DNM3: variants seen among roughly 807,000 people sequenced by gnomAD.
DNM3 encodes the protein dynamin-3.
Under a neutral mutation model 101.6 loss-of-function variants are expected in DNM3, and 47 were observed. The ratio of observed to expected loss-of-function variants is 0.46; its 90% confidence interval spans 0.37 to 0.59. The LOEUF is 0.59. Among genes scored for constraint, DNM3 ranks in the 20% least tolerant of loss-of-function variants. The pLI is 0.00. For synonymous variants in DNM3, 385 were observed against 387.9 expected, an observed-to-expected ratio of 0.99 and a Z score of 0.09; for missense variants, 849 against 1,085.7, an observed-to-expected ratio of 0.78 and a Z score of 3.06.
chr1:172,261,851 G>A (rs934866271), intron 15 of DNM3, among the ~76,000 whole-genome samples: 5 of 152,186 alleles, frequency 3.3e-5, no homozygotes, highest in Non-Finnish European at 7.4e-5. Flanking sequence ...GCCACAGGTG[G>A]TCAACTGGCC....
chr1:171,955,780 A>C (rs12122025), intron 2 of DNM3, among the ~76,000 whole-genome samples: 23,536 of 152,102 alleles, frequency 0.15, 2,359 homozygotes, highest in South Asian at 0.26. Flanking sequence ...GACATACCTG[A>C]GACTGGGCAA....
chr1:171,913,522 A>G (rs1482525792), intron 1 of DNM3, among the ~76,000 whole-genome samples: 1 of 152,220 alleles, frequency 6.6e-6, no homozygotes, highest in Non-Finnish European at 1.5e-5. Context: ...TCTAGCGATT[A>G]AAATTGCATT....
intron 13 of DNM3, among the ~76,000 whole-genome samples, chr1:172,102,517 A>G (rs975117403): frequency 2.6e-5 from 4 of 152,274 alleles, no homozygotes; most frequent in Admixed American, 6.5e-5. Flanking sequence ...CCATATTTTT[A>G]CAGCCAAGTT....
At chr1:171,949,190 T>C (rs2042349059) in intron 2 of DNM3, among the ~76,000 whole-genome samples, 1 of 152,178 alleles carries the variant, frequency 6.6e-6, no homozygotes, top group Non-Finnish European at 1.5e-5. Context: ...AAAAACATAT[T>C]ACTCCACCAA....
chr1:172,175,142 GC>G (rs1288529170), intron 14 of DNM3, among the ~76,000 whole-genome samples: 2 of 151,660 alleles, frequency 1.3e-5, no homozygotes, highest in African/African-American at 4.8e-5. Context: ...ACAAAATACT[GC>G]TGTTGTTCAC....
chr1:172,189,490 G>C (rs971033668), intron 14 of DNM3, among the ~76,000 whole-genome samples: 4 of 151,990 alleles, frequency 2.6e-5, no homozygotes, highest in African/African-American at 9.7e-5. Flanking sequence ...CATGAACATG[G>C]AATTTCCCAC....
At chr1:172,238,533 C>G (rs2148638870) in intron 14 of DNM3, among the ~76,000 whole-genome samples, 1 of 152,208 alleles carries the variant, frequency 6.6e-6, no homozygotes, top group South Asian at 2.1e-4. Context: ...ATGCATGAAA[C>G]AAAGCCTAGG....
At chr1:172,002,247 A>G (rs1432147967) in intron 4 of DNM3, among the ~76,000 whole-genome samples, 3 of 152,110 alleles carry the variant, frequency 2.0e-5, no homozygotes, top group Admixed American at 2.0e-4. Context: ...TGAAAAAATC[A>G]GATTAAAAAA....
At chr1:172,160,682 C>CAGGTAGA (rs1344657442) in intron 14 of DNM3, among the ~76,000 whole-genome samples, 2 of 151,964 alleles carry the variant, frequency 1.3e-5, no homozygotes, top group Admixed American at 1.3e-4. Context: ...GGACAAAAAA[C>CAGGTAGA]AGGTAGAAGG....
chr1:172,059,224 G>C (rs2050933632), intron 10 of DNM3, among the ~76,000 whole-genome samples: 1 of 143,784 alleles, frequency 7.0e-6, no homozygotes, highest in Admixed American at 7.0e-5. Flanking sequence ...ACCAAAAAGA[G>C]TCCAGGACCA....
intron 17 of DNM3, 67 bp from the exon 18 acceptor site, chr1:172,378,951 C>T (rs1035938394): frequency 2.3e-5 from 34 of 1,507,544 alleles, no homozygotes; most frequent in Middle Eastern, 1.8e-4. Flanking sequence ...AATCTGATAA[C>T]GACTGACATT....
chr1:172,287,805 GCACA>G (rs3078985), intron 15 of DNM3, among the ~76,000 whole-genome samples: 32,285 of 144,014 alleles, frequency 0.22, 3,486 homozygotes, highest in African/African-American at 0.25. Flanking sequence ...ATATACACAT[GCACA>G]CACACACACA....
chr1:172,386,591 T>G (rs1407398544), intron 18 of DNM3, among the ~76,000 whole-genome samples: 1 of 152,260 alleles, frequency 6.6e-6, no homozygotes, highest in African/African-American at 2.4e-5. Flanking sequence ...TAAGATTCTG[T>G]ATTTAATAAA....
chr1:172,317,128 C>T (rs1472255873), intron 16 of DNM3, among the ~76,000 whole-genome samples: 1 of 151,444 alleles, frequency 6.6e-6, no homozygotes, highest in Non-Finnish European at 1.5e-5. Flanking sequence ...CAACCTGCTC[C>T]TGAATGACTA....
At chr1:172,121,359 G>A (rs2056307998) in intron 13 of DNM3, among the ~76,000 whole-genome samples, 1 of 152,214 alleles carries the variant, frequency 6.6e-6, no homozygotes, top group South Asian at 2.1e-4. Flanking sequence ...TAATGCATAT[G>A]CAGGCATTTG....
chr1:171,974,526 A>C (rs1444649877), intron 2 of DNM3, among the ~76,000 whole-genome samples: 1 of 152,212 alleles, frequency 6.6e-6, no homozygotes, highest in African/African-American at 2.4e-5. Flanking sequence ...ATCATAGCTA[A>C]GTATTAATTT....
At chr1:172,223,272 C>CTTT (rs398049746) in intron 14 of DNM3, among the ~76,000 whole-genome samples, 2 of 135,590 alleles carry the variant, frequency 1.5e-5, no homozygotes, top group African/African-American at 5.4e-5. Flanking sequence ...TTTTTCTTTT[C>CTTT]TTTTTTTTTT....
At chr1:171,924,780 T>C (rs1291287876) in intron 2 of DNM3, among the ~76,000 whole-genome samples, 1 of 152,218 alleles carries the variant, frequency 6.6e-6, no homozygotes, top group African/African-American at 2.4e-5. Context: ...TGATATCTTA[T>C]TGTAGTTTTG....
intron 12 of DNM3, among the ~76,000 whole-genome samples, chr1:172,083,061 T>C (rs1279111903): frequency 1.3e-5 from 2 of 152,244 alleles, no homozygotes; most frequent in Non-Finnish European, 2.9e-5. Context: ...CACTTCTTGA[T>C]AGGTATTTGC....
Sources: allele counts gnomAD v4.1 joint callset (sites outside exome capture counted in the v4.1 genomes callset), GRCh38; gene constraint gnomAD v4.1.1; transcripts MANE v1.5; gene names NCBI Gene and HGNC (gene_info 2026-07-23, HGNC 2026-07-21).